The following KCNIP1 variants were observed in gnomAD, a reference collection of about 807,000 sequenced individuals.
KCNIP1 encodes the protein potassium voltage-gated channel interacting protein 1, also known as A-type potassium channel modulatory protein KCNIP1.
In KCNIP1, 18 loss-of-function variants were observed where a neutral mutation model predicts 33.0. That is an observed-to-expected ratio of 0.55 (90% CI 0.38 to 0.81). The LOEUF (loss-of-function observed/expected upper bound fraction) is 0.81. Among genes scored for constraint, KCNIP1 ranks in the 30% least tolerant of loss-of-function variants. KCNIP1 has a pLI of 0.00. For synonymous variants in KCNIP1, 93 were observed against 98.3 expected, an observed-to-expected ratio of 0.95 and a Z score of 0.32; for missense variants, 238 against 271.6, an observed-to-expected ratio of 0.88 and a Z score of 0.87.
intron 1 of KCNIP1, among the ~76,000 whole-genome samples, chr5:170,571,260 C>T (rs572590651): frequency 3.8e-4 from 57 of 149,252 alleles, no homozygotes; most frequent in African/African-American, 1.3e-3. Context: ...ACATTAGAAC[C>T]CAGTTAGGTC....
chr5:170,703,473 C>T (rs1447313126), intron 1 of KCNIP1, among the ~76,000 whole-genome samples: 1 of 137,720 alleles, frequency 7.3e-6, no homozygotes, highest in Non-Finnish European at 1.5e-5. Flanking sequence ...AAAGTTCACA[C>T]TTAAATGAAG....
chr5:170,366,290 T>G (rs1381887424), intron 1 of KCNIP1, among the ~76,000 whole-genome samples: 1 of 151,976 alleles, frequency 6.6e-6, no homozygotes, highest in African/African-American at 2.4e-5. Context: ...TTGTATAGAG[T>G]CCACCGGGGG....
chr5:170,596,703 C>T (rs1218107723), intron 1 of KCNIP1, among the ~76,000 whole-genome samples: 1 of 152,230 alleles, frequency 6.6e-6, no homozygotes, highest in Non-Finnish European at 1.5e-5. Context: ...TGTCTAACAC[C>T]ATCCAGTTTG....
At chr5:170,655,074 G>A (rs1761205096) in intron 1 of KCNIP1, among the ~76,000 whole-genome samples, 1 of 152,036 alleles carries the variant, frequency 6.6e-6, no homozygotes, top group African/African-American at 2.4e-5. Context: ...AGTGGCTCTG[G>A]AGCCAGCACA....
chr5:170,433,930 C>G (rs144967624), intron 1 of KCNIP1, among the ~76,000 whole-genome samples: 1 of 152,338 alleles, frequency 6.6e-6, no homozygotes, highest in African/African-American at 2.4e-5. Flanking sequence ...TCTTTCCTGT[C>G]TCCATGCAGA....
At chr5:170,531,330 G>C (rs141207276) in intron 1 of KCNIP1, among the ~76,000 whole-genome samples, 69 of 152,244 alleles carry the variant, frequency 4.5e-4, no homozygotes, top group African/African-American at 1.4e-3. Context: ...CAGGAGTTTG[G>C]GGCTGGGACC....
At chr5:170,589,030 G>A (rs184469713) in intron 1 of KCNIP1, among the ~76,000 whole-genome samples, 382 of 127,214 alleles carry the variant, frequency 3.0e-3, no homozygotes, top group Middle Eastern at 5.4e-3. Flanking sequence ...ACAGAGTCTC[G>A]CTCTGTAGCC....
chr5:170,445,246 C>T (rs1457047958), intron 1 of KCNIP1, among the ~76,000 whole-genome samples: 1 of 152,184 alleles, frequency 6.6e-6, no homozygotes, highest in South Asian at 2.1e-4. Flanking sequence ...CAGGGCCTGG[C>T]CTGCCTCCTT....
At chr5:170,715,339 G>A (rs1763610810) in intron 1 of KCNIP1, among the ~76,000 whole-genome samples, 1 of 150,590 alleles carries the variant, frequency 6.6e-6, no homozygotes. Flanking sequence ...GCGTATCCCT[G>A]TTGTTAAGCG....
intron 1 of KCNIP1, among the ~76,000 whole-genome samples, chr5:170,451,723 T>TTGTGTG (rs67542248): frequency 0.08 from 9,801 of 122,822 alleles, 514 homozygotes; most frequent in East Asian, 0.1. Flanking sequence ...TTCTCCTGCA[T>TTGTGTG]TGTGTGTGTG....
intron 1 of KCNIP1, among the ~76,000 whole-genome samples, chr5:170,457,158 T>C (rs1756401381): frequency 1.3e-5 from 2 of 152,158 alleles, no homozygotes; most frequent in Admixed American, 1.3e-4. Flanking sequence ...AACAAGCCAA[T>C]TGATATGCCA....
At chr5:170,655,953 G>A (rs561655095) in intron 1 of KCNIP1, among the ~76,000 whole-genome samples, 4 of 152,216 alleles carry the variant, frequency 2.6e-5, no homozygotes, top group Non-Finnish European at 5.9e-5. Context: ...AAGGCCTTGG[G>A]CCCCAAAGGG....
intron 1 of KCNIP1, among the ~76,000 whole-genome samples, chr5:170,450,973 A>T (rs773084173): frequency 1.3e-5 from 2 of 152,098 alleles, no homozygotes; most frequent in Non-Finnish European, 2.9e-5. Flanking sequence ...AGTGTGTGCG[A>T]TTACCGAGAG....
At chr5:170,699,044 G>T (rs1359848602) in intron 1 of KCNIP1, among the ~76,000 whole-genome samples, 1 of 152,002 alleles carries the variant, frequency 6.6e-6, no homozygotes, top group Non-Finnish European at 1.5e-5. Context: ...CCATCCCAGG[G>T]CCGCTGAGGA....
chr5:170,723,377 T>A (rs1191268491), intron 5 of KCNIP1, among the ~76,000 whole-genome samples: 1 of 152,166 alleles, frequency 6.6e-6, no homozygotes, highest in African/African-American at 2.4e-5. Flanking sequence ...TCAGAGGACA[T>A]GTCTCTAGCC....
At chr5:170,680,342 G>T (rs948192942) in intron 1 of KCNIP1, among the ~76,000 whole-genome samples, 1 of 152,138 alleles carries the variant, frequency 6.6e-6, no homozygotes, top group African/African-American at 2.4e-5. Context: ...AGGACATGCC[G>T]ACAGCATCAC....
chr5:170,367,347 G>GAAA (rs36006713), intron 1 of KCNIP1, among the ~76,000 whole-genome samples: 1 of 81,468 alleles, frequency 1.2e-5, no homozygotes, highest in Non-Finnish European at 2.5e-5. Context: ...AAGAAGGAAA[G>GAAA]AAAAAGAAAG....
chr5:170,433,407 G>A (rs1238824076), intron 1 of KCNIP1, among the ~76,000 whole-genome samples: 1 of 152,050 alleles, frequency 6.6e-6, no homozygotes, highest in East Asian at 1.9e-4. Flanking sequence ...GGCTGGTCTC[G>A]GACCCCTGAC....
At chr5:170,519,611 G>C (rs1271493728) in intron 1 of KCNIP1, among the ~76,000 whole-genome samples, 3 of 152,140 alleles carry the variant, frequency 2.0e-5, no homozygotes, top group Non-Finnish European at 4.4e-5. Context: ...TTGTCTCCGA[G>C]GCAGCACAGG....
Sources: allele counts gnomAD v4.1 joint callset (sites outside exome capture counted in the v4.1 genomes callset), GRCh38; gene constraint gnomAD v4.1.1; transcripts MANE v1.5; gene names NCBI Gene and HGNC (gene_info 2026-07-23, HGNC 2026-07-21).